Variants in RABGAP1L observed in about 807,000 individuals in gnomAD.
RABGAP1L encodes the protein rab GTPase-activating protein 1-like.
RABGAP1L carries 63 observed loss-of-function variants against 137.7 expected under a neutral mutation model. That is an observed-to-expected ratio of 0.46 (90% CI 0.37 to 0.56). The LOEUF is 0.56. Ranked by LOEUF, RABGAP1L falls within the 20% of genes least tolerant of loss-of-function variation. The pLI is 0.00. For missense variants in RABGAP1L, 1,095 were observed against 1,244.0 expected, an observed-to-expected ratio of 0.88 and a Z score of 1.80; for synonymous variants, 431 against 433.7, an observed-to-expected ratio of 0.99 and a Z score of 0.08.
chr1:174,571,846 C>T (rs939169099), intron 13 of RABGAP1L, among the ~76,000 whole-genome samples: 1 of 152,160 alleles, frequency 6.6e-6, no homozygotes, highest in Non-Finnish European at 1.5e-5. Context: ...AGTATGTTTA[C>T]ACTGCTTCAA....
At chr1:174,241,306 C>G (rs941164595) in intron 4 of RABGAP1L, among the ~76,000 whole-genome samples, 177 bp from the exon 5 acceptor site, 2 of 150,758 alleles carry the variant, frequency 1.3e-5, no homozygotes, top group Admixed American at 6.6e-5. Context: ...GGGGAAAGAG[C>G]AAAACTCTGT....
intron 13 of RABGAP1L, among the ~76,000 whole-genome samples, chr1:174,550,857 A>AATATATATATATATATAT (rs1216100934): frequency 4.7e-4 from 29 of 61,826 alleles, no homozygotes; most frequent in South Asian, 1.9e-3. Context: ...GTCTCTGCTA[A>AATATATATATATATATAT]ATATATATAT....
intron 11 of RABGAP1L, among the ~76,000 whole-genome samples, chr1:174,325,149 A>G (rs1197179801): frequency 6.6e-6 from 1 of 152,214 alleles, no homozygotes; most frequent in East Asian, 1.9e-4. Context: ...CCTGCACTTA[A>G]CCATACAGTT....
intron 3 of RABGAP1L, among the ~76,000 whole-genome samples, chr1:174,226,062 A>G (rs1056497645): frequency 1.3e-5 from 2 of 152,086 alleles, no homozygotes; most frequent in African/African-American, 4.8e-5. Context: ...GATTTCTCAG[A>G]TACTCTCTAG....
intron 11 of RABGAP1L, among the ~76,000 whole-genome samples, chr1:174,356,700 G>T (rs1274698327): frequency 3.3e-5 from 5 of 151,852 alleles, no homozygotes; most frequent in Non-Finnish European, 5.9e-5. Flanking sequence ...TCCTATTTTG[G>T]TGTTGCACAA....
chr1:174,228,883 G>A (rs939700128), intron 3 of RABGAP1L, among the ~76,000 whole-genome samples: 5 of 152,192 alleles, frequency 3.3e-5, no homozygotes, highest in South Asian at 4.1e-4. Context: ...AGGTAACAGC[G>A]GGGAAGCCAA....
Position 174,516,121 on chromosome 1 carries a change from A to G in RABGAP1L, c.1711-121254A>G, listed in dbSNP as rs1240633910. The stretch of plus-strand genomic sequence containing the variant: ...GTCAAGGGATGAAAACTGAAGCTCT[A>G]CACACACACACACACACACACACAC... On this transcript the variant is annotated intron_variant, in intron 13 of 25. Coordinates refer to ENST00000681986, the MANE Select transcript of RABGAP1L (RefSeq NM_001366446.1). Among the ~76,000 whole-genome samples, 10 of 7,366 alleles carry G rather than the reference A, an allele frequency of 1.4e-3. No homozygotes were observed. The East Asian group carries it at 0.14, about 102-fold the overall frequency. 4.8% of individuals were successfully genotyped at this position (7,366 alleles called of 152,430 possible). A position where few individuals can be genotyped will look rare whatever the true frequency, so the allele number is the denominator to read the frequency against.
intron 19 of RABGAP1L, among the ~76,000 whole-genome samples, chr1:174,908,116 G>A (rs571658062): frequency 6.6e-6 from 1 of 152,310 alleles, no homozygotes; most frequent in East Asian, 1.9e-4. Flanking sequence ...TATAACAATT[G>A]TATATTTTTG....
chr1:174,263,872 T>TG (rs1673803839), intron 7 of RABGAP1L, among the ~76,000 whole-genome samples: 1 of 152,008 alleles, frequency 6.6e-6, no homozygotes, highest in African/African-American at 2.4e-5. Context: ...CTTTCTTTTT[T>TG]GGGGGGCCGG....
At chr1:174,159,837 T>G (rs1286022687) in intron 1 of RABGAP1L, 180 bp downstream of exon 1, 1 of 152,288 alleles carries the variant, frequency 6.6e-6, no homozygotes, top group African/African-American at 2.4e-5. Flanking sequence ...GGTTCAGGAC[T>G]GTCGGCCGCC....
intron 19 of RABGAP1L, among the ~76,000 whole-genome samples, chr1:174,837,052 C>T (rs1051100217): frequency 2.0e-5 from 3 of 152,084 alleles, no homozygotes; most frequent in Non-Finnish European, 4.4e-5. Flanking sequence ...ACTGAAAATA[C>T]AAAAATTAGC....
chr1:174,221,290 C>T (rs1221017546), intron 3 of RABGAP1L, 126 bp downstream of exon 3: 10 of 753,822 alleles, frequency 1.3e-5, no homozygotes, highest in Non-Finnish European at 1.8e-5. Flanking sequence ...AGAGTTTCCA[C>T]TTCGGTGTTA....
chr1:174,595,527 G>T (rs1362809305), intron 13 of RABGAP1L, among the ~76,000 whole-genome samples: 1 of 110,802 alleles, frequency 9.0e-6, no homozygotes, highest in African/African-American at 3.8e-5. Context: ...GTACAGATGG[G>T]TTTTCGGTGT....
intron 18 of RABGAP1L, among the ~76,000 whole-genome samples, chr1:174,783,751 C>T (rs1687220987): frequency 6.9e-6 from 1 of 144,998 alleles, no homozygotes; most frequent in Non-Finnish European, 1.5e-5. Flanking sequence ...ACTCTGCCGC[C>T]AGGCTGGAGT....
chr1:174,423,217 G>A (rs897990251), intron 13 of RABGAP1L, among the ~76,000 whole-genome samples: 20 of 152,004 alleles, frequency 1.3e-4, no homozygotes, highest in Non-Finnish European at 1.5e-5. Context: ...ACTCTAAATT[G>A]TGTCCATTTT....
At chr1:174,459,342 ATGATCT>A (rs1232176702) in intron 13 of RABGAP1L, among the ~76,000 whole-genome samples, 1 of 152,146 alleles carries the variant, frequency 6.6e-6, no homozygotes, top group African/African-American at 2.4e-5. Context: ...AAATGAATAA[ATGATCT>A]TGATGTTTTT....
intron 24 of RABGAP1L, among the ~76,000 whole-genome samples, chr1:174,986,231 G>A (rs1353540911): frequency 6.6e-6 from 1 of 152,114 alleles, no homozygotes; most frequent in African/African-American, 2.4e-5. Flanking sequence ...TAACGGGCAT[G>A]AGCCGCCGTG....
chr1:174,324,788 A>G (rs77946281), intron 11 of RABGAP1L, among the ~76,000 whole-genome samples: 5,559 of 152,236 alleles, frequency 0.037, 320 homozygotes, highest in African/African-American at 0.12. Flanking sequence ...AGATTGTCAA[A>G]GAAGAAGTGA....
chr1:174,926,216 C>G (rs993146854), intron 19 of RABGAP1L, among the ~76,000 whole-genome samples: 1 of 152,014 alleles, frequency 6.6e-6, no homozygotes, highest in Non-Finnish European at 1.5e-5. Context: ...TCTTTGATGT[C>G]TAGTAGAGCA....
Sources: gnomAD v4.1 joint callset for allele counts (sites outside exome capture counted in the v4.1 genomes callset) on GRCh38, gnomAD v4.1.1 for gene constraint, MANE v1.5 for transcripts, NCBI Gene and HGNC (gene_info 2026-07-23, HGNC 2026-07-21) for gene names.